The following ST6GALNAC3 variants were observed in gnomAD, a reference collection of about 807,000 sequenced individuals.
ST6GALNAC3 encodes ST6 N-acetylgalactosaminide alpha-2,6-sialyltransferase 3, also known as alpha-N-acetylgalactosaminide alpha-2,6-sialyltransferase 3.
Under a neutral mutation model 32.7 loss-of-function variants are expected in ST6GALNAC3, and 25 were observed. The ratio of observed to expected loss-of-function variants is 0.76; its 90% CI spans 0.56 to 1.07. The LOEUF (loss-of-function observed/expected upper bound fraction) is 1.07, where lower values mean the gene tolerates loss of function less well. ST6GALNAC3 is among the 50% of genes least tolerant of loss of function. ST6GALNAC3 has a pLI of 0.00. For synonymous variants in ST6GALNAC3, 129 were observed against 133.1 expected (o/e 0.97, Z 0.21); for missense variants, 355 against 382.4 (o/e 0.93, Z 0.60).
chr1:76,398,775 T>G (rs140392696), intron 2 of ST6GALNAC3, among the ~76,000 whole-genome samples: 69 of 152,284 alleles, frequency 4.5e-4, no homozygotes, highest in African/African-American at 1.6e-3. Context: ...CATATATACA[T>G]TCAGGTATAC....
chr1:76,575,077 C>A (rs540421287), intron 3 of ST6GALNAC3, among the ~76,000 whole-genome samples: 1 of 152,224 alleles, frequency 6.6e-6, no homozygotes, highest in Non-Finnish European at 1.5e-5. Context: ...AGAAGAGACT[C>A]TAACATGCAG....
At chr1:76,114,105 C>T (rs138573794) in intron 1 of ST6GALNAC3, among the ~76,000 whole-genome samples, 3,875 of 151,182 alleles carry the variant, frequency 0.026, 120 homozygotes, top group Admixed American at 0.073. Context: ...GGCCTCCCAA[C>T]GTGCTGGGAT....
chr1:76,347,972 A>G (rs771535607), intron 2 of ST6GALNAC3, among the ~76,000 whole-genome samples: 36 of 152,330 alleles, frequency 2.4e-4, no homozygotes, highest in Middle Eastern at 3.4e-3. Flanking sequence ...AAAGAAAATG[A>G]AACTTTGCAA....
intron 1 of ST6GALNAC3, among the ~76,000 whole-genome samples, chr1:76,309,575 G>C (rs1167398337): frequency 1.3e-5 from 2 of 152,150 alleles, no homozygotes; most frequent in African/African-American, 2.4e-5. Flanking sequence ...ATTGTATTCT[G>C]TTGTACTTGT....
At chr1:76,524,370 A>G (rs1024092658) in intron 3 of ST6GALNAC3, among the ~76,000 whole-genome samples, 6 of 152,234 alleles carry the variant, frequency 3.9e-5, no homozygotes, top group African/African-American at 1.4e-4. Flanking sequence ...CCTGTATTAC[A>G]GTTATCTGAT....
intron 1 of ST6GALNAC3, among the ~76,000 whole-genome samples, chr1:76,124,276 T>G (rs372616464): frequency 6.6e-6 from 1 of 151,714 alleles, no homozygotes; most frequent in Admixed American, 6.6e-5. Context: ...GGTAGAGAGC[T>G]GTGAAGCTGA....
At chr1:76,594,650 T>C (rs768214117) in intron 3 of ST6GALNAC3, among the ~76,000 whole-genome samples, 2 of 152,170 alleles carry the variant, frequency 1.3e-5, no homozygotes, top group African/African-American at 4.8e-5. Flanking sequence ...TAGATGTAGA[T>C]AGATAAATAC....
At chr1:76,485,999 A>G (rs568770492) in intron 3 of ST6GALNAC3, among the ~76,000 whole-genome samples, 1 of 152,284 alleles carries the variant, frequency 6.6e-6, no homozygotes, top group South Asian at 2.1e-4. Flanking sequence ...GTCATTCAGG[A>G]GCAGGTTGTT....
At chr1:76,268,501 C>T (rs563933977) in intron 1 of ST6GALNAC3, among the ~76,000 whole-genome samples, 1 of 152,262 alleles carries the variant, frequency 6.6e-6, no homozygotes, top group South Asian at 2.1e-4. Context: ...CCTCCAGCCC[C>T]CACACAAAAC....
chr1:76,540,704 C>T (rs1570178641), intron 3 of ST6GALNAC3, among the ~76,000 whole-genome samples: 1 of 151,750 alleles, frequency 6.6e-6, no homozygotes, highest in Non-Finnish European at 1.5e-5. Flanking sequence ...TGGAGTGTTG[C>T]CATTAATTAA....
At chr1:76,568,455 T>G (rs980896597) in intron 3 of ST6GALNAC3, among the ~76,000 whole-genome samples, 5 of 152,220 alleles carry the variant, frequency 3.3e-5, no homozygotes, top group African/African-American at 1.2e-4. Context: ...ACTTTGTTCC[T>G]GGCACTCTTT....
intron 3 of ST6GALNAC3, among the ~76,000 whole-genome samples, chr1:76,446,291 T>C (rs1451547874): frequency 6.6e-6 from 1 of 152,140 alleles, no homozygotes; most frequent in East Asian, 1.9e-4. Context: ...CATCCATTAC[T>C]AGAGTGGTAT....
intron 1 of ST6GALNAC3, among the ~76,000 whole-genome samples, chr1:76,235,625 G>A (rs911935014): frequency 6.6e-6 from 1 of 151,316 alleles, no homozygotes; most frequent in Admixed American, 6.6e-5. Flanking sequence ...TCATTCAAAT[G>A]CCTCAGTTTC....
At chr1:76,338,605 G>C (rs1647697778) in intron 2 of ST6GALNAC3, among the ~76,000 whole-genome samples, 1 of 152,142 alleles carries the variant, frequency 6.6e-6, no homozygotes, top group Non-Finnish European at 1.5e-5. Context: ...GAGACATTTT[G>C]TTTATCATAG....
intron 2 of ST6GALNAC3, among the ~76,000 whole-genome samples, chr1:76,315,379 G>C (rs1441354248): frequency 6.6e-6 from 1 of 152,050 alleles, no homozygotes; most frequent in Non-Finnish European, 1.5e-5. Context: ...AATGTCTCAC[G>C]AAGTATTCTC....
chr1:76,123,539 T>C (rs1649030998), intron 1 of ST6GALNAC3, among the ~76,000 whole-genome samples: 1 of 151,948 alleles, frequency 6.6e-6, no homozygotes, highest in Non-Finnish European at 1.5e-5. Flanking sequence ...GCATTTTTTG[T>C]GTGTGGCCAG....
intron 1 of ST6GALNAC3, among the ~76,000 whole-genome samples, chr1:76,102,661 A>G (rs879831222): frequency 6.6e-6 from 1 of 152,060 alleles, no homozygotes; most frequent in African/African-American, 2.4e-5. Flanking sequence ...AATGGCATTT[A>G]TCACTCTCTT....
At chr1:76,119,080 C>G (rs1648683091) in intron 1 of ST6GALNAC3, among the ~76,000 whole-genome samples, 1 of 152,204 alleles carries the variant, frequency 6.6e-6, no homozygotes. Flanking sequence ...CACGACCTCC[C>G]AAAGTGCTGG....
At chr1:76,112,511 C>T (rs1301997679) in intron 1 of ST6GALNAC3, among the ~76,000 whole-genome samples, 1 of 149,482 alleles carries the variant, frequency 6.7e-6, no homozygotes, top group Non-Finnish European at 1.5e-5. Flanking sequence ...GCTGGCCGGG[C>T]GGGGTATTGA....
Sources: allele counts gnomAD v4.1 joint callset (sites outside exome capture counted in the v4.1 genomes callset), GRCh38; gene constraint gnomAD v4.1.1; transcripts MANE v1.5; gene names NCBI Gene and HGNC (gene_info 2026-07-23, HGNC 2026-07-21).